STAT1: variants seen among roughly 807,000 people sequenced by gnomAD.
The protein encoded by STAT1 is signal transducer and activator of transcription 1-alpha/beta.
A neutral mutation model predicts 111.7 loss-of-function variants in STAT1; 24 were observed. The observed-to-expected ratio is 0.21, with a 90% CI of 0.16 to 0.30. The LOEUF is 0.30. Among genes scored for constraint, STAT1 ranks in the 10% least tolerant of loss-of-function variants. The pLI, the probability that STAT1 is intolerant of heterozygous loss-of-function variation, is 1.00. For missense variants in STAT1, 351 were observed against 911.9 expected, an observed-to-expected ratio of 0.38 and a Z score of 7.92; for synonymous variants, 332 against 326.5, an observed-to-expected ratio of 1.02 and a Z score of -0.18.
chr2:191,013,766 GA>G (rs1333048536), intron 1 of STAT1, 88 bp from the exon 2 acceptor site: 1 of 398,372 alleles, frequency 2.5e-6, no homozygotes, highest in Non-Finnish European at 4.4e-6. Context: ...CCTTCTAGAG[GA>G]AAATTATATT....
intron 5 of STAT1, among the ~76,000 whole-genome samples, chr2:191,005,590 G>T (rs1235795836): frequency 6.6e-6 from 1 of 152,138 alleles, no homozygotes; most frequent in Non-Finnish European, 1.5e-5. Flanking sequence ...TAGTGTAGGT[G>T]TATGGTAGGT....
In STAT1 at chr2:190,974,886, G is replaced by C. The variant is rs1173266737; in HGVS notation, c.2182C>G (p.Pro728Ala). 6.2e-7 allele frequency: 1 copy of C among 1,614,236 alleles called. No homozygotes were observed. Among genetic ancestry groups the C allele is most frequent in the East Asian group, 2.2e-5 (1 of 44,886 alleles). ...QTTDNLLPMS[P>A]EEFDEVSRIV... Reference sequence around the variant, plus strand: ...CGAGACACCTCGTCAAACTCCTCAGGAGACATGGGGAGCAGGTTGTCTGTG... The same window carrying C: ...CGAGACACCTCGTCAAACTCCTCAGCAGACATGGGGAGCAGGTTGTCTGTG... The change falls in exon 24 of 25, where the codon CCT becomes GCT. Residue 728 changes from proline (P) to alanine (A), a missense_variant. This residue lies in a region of STAT1 where 181 missense variants were observed against 426.1 expected (regional missense o/e 0.42). Transcript: ENST00000361099. The surrounding 1 kb of genome is among the most constrained non-coding windows in gnomAD (Gnocchi z 4.8).
rs1412318644 is a variant in STAT1 at position 190,975,574 on chromosome 2, G to A, written c.2135+238C>T. On this transcript the variant is annotated intron_variant, in intron 23 of 24. Transcript: ENST00000361099. The surrounding 1 kb of genome is among the most constrained non-coding windows in gnomAD (Gnocchi z 5.9). ...TCATTTTATTTATACTTTTTCAAAGGGTATCAGTTTTGGGAAAATTTATAT... is the reference window on the plus strand; with the variant it reads ...TCATTTTATTTATACTTTTTCAAAGAGTATCAGTTTTGGGAAAATTTATAT... 4 of 1,398,838 alleles carry A rather than the reference G, an allele frequency of 2.9e-6. No homozygotes were observed. The African/African-American group carries it at 4.4e-5, about 15-fold the overall frequency. The allele number at this position is 1,398,838 out of a possible 1,614,324, so 86.7% of individuals were successfully genotyped here. A position where few individuals can be genotyped will look rare whatever the true frequency, so the allele number is the denominator to read the frequency against.
chr2:190,994,031 G>A (rs1693608649), intron 10 of STAT1, among the ~76,000 whole-genome samples: 1 of 152,174 alleles, frequency 6.6e-6, no homozygotes, highest in Non-Finnish European at 1.5e-5. Flanking sequence ...GGTGACTGTA[G>A]GCCACGAAGG....
At position 191,013,606 on chromosome 2, in the gene STAT1, C is replaced by T; in HGVS notation, c.-83G>A. 2 of 398,544 alleles carry T rather than the reference C, an allele frequency of 5.0e-6. No homozygotes were observed. The highest frequency in any genetic ancestry group is 3.6e-5 in the East Asian group (1 of 28,082). 24.7% of individuals were successfully genotyped at this position (398,544 alleles called of 1,614,324 possible). ...ACAGCACGTTAGGTGCCAAGACTGTCGAGGTTATATACACAGAGTGCGAAC... is the reference window on the plus strand; with the variant it reads ...ACAGCACGTTAGGTGCCAAGACTGTTGAGGTTATATACACAGAGTGCGAAC... On this transcript the variant is annotated 5_prime_UTR_variant, in exon 2 of 25. Transcript: ENST00000361099.
rs35046975 is a variant in STAT1, at chr2:190,993,790, T to TAA, written c.944+1269_944+1270dup. Among the ~76,000 whole-genome samples the TAA allele has an allele frequency of 6.9e-6, 1 of 144,808 alleles. No homozygotes were observed. The highest frequency in any genetic ancestry group is 2.5e-5 in the African/African-American group (1 of 39,338). 95.0% of individuals were successfully genotyped at this position (144,808 alleles called of 152,430 possible). A position where few individuals can be genotyped will look rare whatever the true frequency, so the allele number is the denominator to read the frequency against. ...CATTTTTATCATGTCAAGTTTGCAT[T>TAA]AAAAAAAAAAAAACTTGCAATATGA... On this transcript the variant is annotated intron_variant, in intron 10 of 24. Transcript: ENST00000361099. The surrounding 1 kb of genome is among the most constrained non-coding windows in gnomAD (Gnocchi z 4.1).
chr2:191,000,971 A>G lies in STAT1; in HGVS notation c.462+103T>C. ...GCAAAATTTTTCTTCCCAACTACTTAAAAGACTGAACTCAGTTACGAGGTT... is the reference window on the plus strand; with the variant it reads ...GCAAAATTTTTCTTCCCAACTACTTGAAAGACTGAACTCAGTTACGAGGTT... On this transcript the variant is annotated intron_variant, in intron 6 of 24. Transcript: ENST00000361099. This position sits in a 1 kb window ranked among gnomAD's most constrained non-coding sequence, Gnocchi z 4.8. 9.9e-7 allele frequency: 1 copy of G among 1,005,076 alleles called. No individual in the cohort carries two copies. Among genetic ancestry groups the G allele is most frequent in the Non-Finnish European group, 1.6e-6 (1 of 636,140 alleles). The allele number at this position is 1,005,076 out of a possible 1,614,324, so 62.3% of individuals were successfully genotyped here. A position where few individuals can be genotyped will look rare whatever the true frequency, so the allele number is the denominator to read the frequency against.
Position 190,997,993 on chromosome 2 carries a change from T to C in STAT1, c.648A>G (p.Lys216=). ...CAGTGACATTCAGCAACTCTATTAT[T>C]TTGTGAACTACTTCCTAAAGGCAAT... ...LDNKRKEVVH[K]IIELLNVTEL... is the part of the protein sequence containing the mutation. The change falls in exon 9 of 25, where the codon AAA becomes AAG. Residue 216 remains lysine (K), a synonymous_variant. Transcript: ENST00000361099. The surrounding 1 kb of genome is among the most constrained non-coding windows in gnomAD (Gnocchi z 7.3). 1 of 1,614,210 alleles carries C rather than the reference T, an allele frequency of 6.2e-7. No homozygotes were observed.
In STAT1 at chr2:191,000,989, A is replaced by T; in HGVS notation, c.462+85T>A. 2 of 1,120,888 alleles carry T rather than the reference A, an allele frequency of 1.8e-6. No individual in the cohort carries two copies. Among genetic ancestry groups the T allele is most frequent in the Non-Finnish European group, 2.7e-6 (2 of 733,538 alleles). 69.4% of individuals were successfully genotyped at this position (1,120,888 alleles called of 1,614,324 possible). On this transcript the variant is annotated intron_variant, in intron 6 of 24. Transcript: ENST00000361099. The surrounding 1 kb of genome is among the most constrained non-coding windows in gnomAD (Gnocchi z 4.8). ...ACTACTTAAAAGACTGAACTCAGTT[A>T]CGAGGTTTACACCCCAAGCAATTGA...
chr2:190,970,489 C>T lies in STAT1; in HGVS notation c.*214G>A, dbSNP rs1016371601. 1.6e-6 allele frequency: 1 copy of T among 626,532 alleles called. No individual in the cohort carries two copies. The highest frequency in any genetic ancestry group is 2.9e-6 in the Non-Finnish European group (1 of 347,394). The allele number at this position is 626,532 out of a possible 1,614,324, so 38.8% of individuals were successfully genotyped here. On this transcript the variant is annotated 3_prime_UTR_variant, in exon 25 of 25. Coordinates refer to ENST00000361099, the MANE Select transcript of STAT1 (RefSeq NM_007315.4). This position sits in a 1 kb window ranked among gnomAD's most constrained non-coding sequence, Gnocchi z 5.4. ...AACCCACTCTTCAGAGAATGCCTTT[C>T]AATTTTACCTTCAGTAAGATGCATG...
chr2:190,982,040 C>T lies in STAT1; in HGVS notation c.1582+343G>A, dbSNP rs1475564302. Reference sequence around the variant, plus strand: ...TGTCAGGGACTTCCTTTTTTCTCCCCAAGGTTAATGGTTAATAGGCCTTCA... The same window carrying T: ...TGTCAGGGACTTCCTTTTTTCTCCCTAAGGTTAATGGTTAATAGGCCTTCA... On this transcript the variant is annotated intron_variant, in intron 18 of 24. Coordinates refer to ENST00000361099, the MANE Select transcript of STAT1 (RefSeq NM_007315.4). This position sits in a 1 kb window ranked among gnomAD's most constrained non-coding sequence, Gnocchi z 7.3. Among the ~76,000 whole-genome samples the T allele has an allele frequency of 1.3e-5, 2 of 152,220 alleles. No individual in the cohort carries two copies. The highest frequency in any genetic ancestry group is 2.9e-5 in the Non-Finnish European group (2 of 68,034).
rs1029031841 is a variant in STAT1, at chr2:190,996,016, G to T, written c.786-797C>A. On this transcript the variant is annotated intron_variant, in intron 9 of 24. Coordinates refer to ENST00000361099, the MANE Select transcript of STAT1 (RefSeq NM_007315.4). This position sits in a 1 kb window ranked among gnomAD's most constrained non-coding sequence, Gnocchi z 4.5. ...GGCATCAGCAAGCAGTGTCTCGGCA[G>T]GACCAGTCAGAGATGTGGGGCAGAG... Among the ~76,000 whole-genome samples, 5 of 150,960 alleles carry T rather than the reference G, an allele frequency of 3.3e-5. No individual in the cohort carries two copies. Among genetic ancestry groups the T allele is most frequent in the Admixed American group, 1.3e-4 (2 of 15,166 alleles).
Position 191,006,104 on chromosome 2 carries a change from G to T in STAT1, c.372+1459C>A, listed in dbSNP as rs1024429953. ...TGAGGATGACATGCTTGCAGCTGGG[G>T]GAAACAGGTTGTCCTTCTGCCCATC... On this transcript the variant is annotated intron_variant, in intron 5 of 24. Coordinates refer to ENST00000361099, the MANE Select transcript of STAT1 (RefSeq NM_007315.4). This position sits in a 1 kb window ranked among gnomAD's most constrained non-coding sequence, Gnocchi z 4.6. Among the ~76,000 whole-genome samples the T allele has an allele frequency of 1.3e-5, 2 of 152,212 alleles. No homozygotes were observed. Among genetic ancestry groups the T allele is most frequent in the African/African-American group, 4.8e-5 (2 of 41,454 alleles).
In STAT1 at chr2:190,980,520, A is replaced by G; in HGVS notation, c.1632+100T>C. On this transcript the variant is annotated intron_variant, in intron 19 of 24. Coordinates refer to ENST00000361099, the MANE Select transcript of STAT1 (RefSeq NM_007315.4). The surrounding 1 kb of genome is among the most constrained non-coding windows in gnomAD (Gnocchi z 6.1). ...TCCTTGGCCAGAGAAGAACACGCCA[A>G]AATAAGCAAACAGTTAAGTAACTAT... 1 of 1,416,796 alleles carries G rather than the reference A, an allele frequency of 7.1e-7. No homozygotes were observed. The highest frequency in any genetic ancestry group is 1.2e-5 in the South Asian group (1 of 86,878). The allele number at this position is 1,416,796 out of a possible 1,614,324, so 87.8% of individuals were successfully genotyped here.
In STAT1 at chr2:190,986,759, C is replaced by G; in HGVS notation, c.1221+95G>C. On this transcript the variant is annotated intron_variant, in intron 14 of 24. Transcript: ENST00000361099. The surrounding 1 kb of genome is among the most constrained non-coding windows in gnomAD (Gnocchi z 5.0). ...AAGTCTACAAACCCCAGCAGGGGGG[C>G]GTCCTCCACATGGCAATGTGCCAAA... The G allele has an allele frequency of 3.4e-6, 4 of 1,184,924 alleles. No homozygotes were observed. Among genetic ancestry groups the G allele is most frequent in the Non-Finnish European group, 5.1e-6 (4 of 791,072 alleles). The allele number at this position is 1,184,924 out of a possible 1,614,324, so 73.4% of individuals were successfully genotyped here.
chr2:190,986,061 A>G lies in STAT1; in HGVS notation c.1222-401T>C, dbSNP rs536536660. 3.9e-5 allele frequency among the ~76,000 whole-genome samples: 6 copies of G among 152,288 alleles called. No homozygotes were observed. Among genetic ancestry groups the G allele is most frequent in the East Asian group, 1.9e-4 (1 of 5,168 alleles). On this transcript the variant is annotated intron_variant, in intron 14 of 24. Transcript: ENST00000361099. This position sits in a 1 kb window ranked among gnomAD's most constrained non-coding sequence, Gnocchi z 5.0. Reference sequence around the variant, plus strand: ...TCCACCTGCCCTCAAGTGGACGTCAATCTCTGAGCTGTCAATCCCTGAGCT... The same window carrying G: ...TCCACCTGCCCTCAAGTGGACGTCAGTCTCTGAGCTGTCAATCCCTGAGCT...
At position 190,997,278 on chromosome 2, in the gene STAT1, C is replaced by T. The variant is rs905656277; in HGVS notation, c.785+578G>A. ...TGAAACCTTCCCTGGAGATGCTTTC[C>T]TTTGTCCTCCACAGAATTCTGATGG... On this transcript the variant is annotated intron_variant, in intron 9 of 24. Coordinates refer to ENST00000361099, the MANE Select transcript of STAT1 (RefSeq NM_007315.4). This position sits in a 1 kb window ranked among gnomAD's most constrained non-coding sequence, Gnocchi z 7.3. 6.6e-6 allele frequency among the ~76,000 whole-genome samples: 1 copy of T among 152,200 alleles called. No homozygotes were observed. The highest frequency in any genetic ancestry group is 2.4e-5 in the African/African-American group (1 of 41,458).
Position 190,969,497 on chromosome 2 carries a change from T to C in STAT1, c.*1206A>G, listed in dbSNP as rs1691293809. On this transcript the variant is annotated 3_prime_UTR_variant, in exon 25 of 25. Coordinates refer to ENST00000361099, the MANE Select transcript of STAT1 (RefSeq NM_007315.4). ...TTGTCAAACCCATCTCTTAATCTAC[T>C]TTTTGTGTCAGTGATAAGGAAGGAA... The C allele has an allele frequency of 6.6e-6, 1 of 152,172 alleles. No individual in the cohort carries two copies. Among genetic ancestry groups the C allele is most frequent in the South Asian group, 2.1e-4 (1 of 4,830 alleles). 9.4% of individuals were successfully genotyped at this position (152,172 alleles called of 1,614,324 possible).
chr2:190,970,325 AT>A lies in STAT1; in HGVS notation c.*377del, dbSNP rs1691357110. The A allele has an allele frequency of 3.4e-6, 1 of 295,280 alleles. No homozygotes were observed. Among genetic ancestry groups the A allele is most frequent in the African/African-American group, 2.2e-5 (1 of 46,164 alleles). 18.3% of individuals were successfully genotyped at this position (295,280 alleles called of 1,614,324 possible). ...CAAGCAGTTCCCTAAATAACCACTG[AT>A]TTATCCAACAACCTATAACAGTTGG... On this transcript the variant is annotated 3_prime_UTR_variant, in exon 25 of 25. Coordinates refer to ENST00000361099, the MANE Select transcript of STAT1 (RefSeq NM_007315.4). The surrounding 1 kb of genome is among the most constrained non-coding windows in gnomAD (Gnocchi z 5.4).
Sources: allele counts gnomAD v4.1 joint callset (sites outside exome capture counted in the v4.1 genomes callset), GRCh38; gene constraint gnomAD v4.1.1; regional missense constraint gnomAD v4.1.1; non-coding constraint Gnocchi (gnomAD v3.1); transcripts MANE v1.5; gene names NCBI Gene and HGNC (gene_info 2026-07-23, HGNC 2026-07-21).